The following RBMS3 variants were observed in gnomAD, a reference collection of about 807,000 sequenced individuals.
The protein encoded by RBMS3 is RNA-binding motif, single-stranded-interacting protein 3.
In RBMS3, 27 loss-of-function variants were observed where a neutral mutation model predicts 66.8. The ratio of observed to expected loss-of-function variants is 0.40; its 90% CI spans 0.30 to 0.56. The LOEUF (loss-of-function observed/expected upper bound fraction) is 0.56, where lower values mean the gene tolerates loss of function less well. Among genes scored for constraint, RBMS3 ranks in the 20% least tolerant of loss-of-function variants. The probability of loss-of-function intolerance (pLI) is 0.40; values close to 1 mark genes in which losing one functional copy is unlikely to be tolerated. For synonymous variants in RBMS3, 188 were observed against 183.0 expected (o/e 1.03, Z -0.22); for missense variants, 513 against 549.5 (o/e 0.93, Z 0.66).
chr3:29,339,556 A>C (rs1382952638), intron 1 of RBMS3, among the ~76,000 whole-genome samples: 2 of 151,086 alleles, frequency 1.3e-5, no homozygotes, highest in African/African-American at 4.9e-5. Context: ...CTGCAGAGTG[A>C]TTAGATCTCA....
At chr3:29,363,559 C>T (rs956599706) in intron 1 of RBMS3, among the ~76,000 whole-genome samples, 4 of 152,042 alleles carry the variant, frequency 2.6e-5, no homozygotes, top group Admixed American at 1.3e-4. Flanking sequence ...AAGGCCAAAG[C>T]GGGTGGATCA....
intron 6 of RBMS3, among the ~76,000 whole-genome samples, chr3:29,789,528 A>G (rs1301551576): frequency 6.6e-6 from 1 of 151,988 alleles, no homozygotes. Context: ...CCATTAAATC[A>G]CCATGTATAT....
chr3:29,695,697 C>G (rs769093609), intron 4 of RBMS3, among the ~76,000 whole-genome samples: 3 of 152,100 alleles, frequency 2.0e-5, no homozygotes, highest in Non-Finnish European at 4.4e-5. Flanking sequence ...ACTTTGCTAA[C>G]TTTTACTAAC....
At chr3:29,701,845 G>A (rs763541254) in intron 4 of RBMS3, among the ~76,000 whole-genome samples, 4 of 151,682 alleles carry the variant, frequency 2.6e-5, no homozygotes, top group African/African-American at 7.3e-5. Context: ...GCGCGCAGCC[G>A]GAGTCTCACC....
intron 11 of RBMS3, among the ~76,000 whole-genome samples, chr3:29,939,467 T>C (rs191034264): frequency 3.8e-4 from 58 of 152,080 alleles, no homozygotes; most frequent in Middle Eastern, 3.4e-3. Context: ...CCATTGGTAG[T>C]ACAGCTGTTG....
intron 7 of RBMS3, among the ~76,000 whole-genome samples, chr3:29,877,666 A>G (rs1299213062): frequency 6.6e-6 from 1 of 152,132 alleles, no homozygotes; most frequent in African/African-American, 2.4e-5. Context: ...AGCAGGTGAG[A>G]GCAGATAACT....
At chr3:29,440,633 C>G (rs2041583855) in intron 2 of RBMS3, among the ~76,000 whole-genome samples, 1 of 152,156 alleles carries the variant, frequency 6.6e-6, no homozygotes, top group South Asian at 2.1e-4. Flanking sequence ...GGGAAACACC[C>G]ACAATGAAAA....
intron 14 of RBMS3, among the ~76,000 whole-genome samples, chr3:29,997,111 A>C (rs1361722600): frequency 2.0e-5 from 3 of 151,856 alleles, no homozygotes; most frequent in African/African-American, 7.2e-5. Flanking sequence ...ACAGAAATAC[A>C]AACTACCATC....
intron 1 of RBMS3, among the ~76,000 whole-genome samples, chr3:29,416,487 C>T (rs990173836): frequency 6.6e-6 from 1 of 152,198 alleles, no homozygotes; most frequent in Non-Finnish European, 1.5e-5. Context: ...AAAAGAAATG[C>T]ATTTTAATCA....
At chr3:29,878,571 C>T (rs2059664587) in intron 7 of RBMS3, among the ~76,000 whole-genome samples, 1 of 152,106 alleles carries the variant, frequency 6.6e-6, no homozygotes. Flanking sequence ...ACTGACCCAG[C>T]AAAGCTAAAT....
chr3:29,701,772 C>T (rs57932869), intron 4 of RBMS3, among the ~76,000 whole-genome samples: 7,549 of 152,140 alleles, frequency 0.05, 633 homozygotes, highest in African/African-American at 0.17. Context: ...ACTGGCACTG[C>T]GCTGGAATTC....
chr3:29,849,100 T>A (rs2058862382), intron 6 of RBMS3, among the ~76,000 whole-genome samples: 1 of 152,058 alleles, frequency 6.6e-6, no homozygotes, highest in African/African-American at 2.4e-5. Flanking sequence ...TCTATTCCAT[T>A]TTTGAATATT....
chr3:29,331,414 G>T (rs1463007601), intron 1 of RBMS3, among the ~76,000 whole-genome samples: 1 of 152,070 alleles, frequency 6.6e-6, no homozygotes, highest in Admixed American at 6.6e-5. Flanking sequence ...TTCCCAGTAG[G>T]ACCAAACTAA....
intron 3 of RBMS3, among the ~76,000 whole-genome samples, chr3:29,562,014 T>A (rs1038602565): frequency 1.3e-5 from 2 of 152,176 alleles, no homozygotes; most frequent in African/African-American, 4.8e-5. Flanking sequence ...CACAGTGTAG[T>A]ATTAACTGAT....
intron 5 of RBMS3, among the ~76,000 whole-genome samples, chr3:29,741,851 A>G (rs888476713): frequency 1.3e-5 from 2 of 152,056 alleles, no homozygotes; most frequent in East Asian, 1.9e-4. Context: ...CTGTCCTCAC[A>G]TGGTCTTCCT....
At chr3:29,812,680 A>T (rs866772208) in intron 6 of RBMS3, among the ~76,000 whole-genome samples, 2 of 152,176 alleles carry the variant, frequency 1.3e-5, no homozygotes, top group South Asian at 2.1e-4. Context: ...TTGCATTTGA[A>T]GTATTAAGAT....
At chr3:29,856,806 T>C (rs959602020) in intron 6 of RBMS3, among the ~76,000 whole-genome samples, 21 of 152,218 alleles carry the variant, frequency 1.4e-4, no homozygotes, top group African/African-American at 5.1e-4. Flanking sequence ...AAGTTATTTA[T>C]TTATTTTTAT....
chr3:29,586,967 G>T, intron 3 of RBMS3, 147 bp from the exon 4 acceptor site: 1 of 561,146 alleles, frequency 1.8e-6, no homozygotes. Context: ...AAGCATTAAG[G>T]ACCACTAATC....
At chr3:29,671,222 G>C (rs1464384000) in intron 4 of RBMS3, among the ~76,000 whole-genome samples, 1 of 152,144 alleles carries the variant, frequency 6.6e-6, no homozygotes, top group Non-Finnish European at 1.5e-5. Flanking sequence ...CAAACAGAAA[G>C]GAATAGCATC....
Sources: allele counts gnomAD v4.1 joint callset (sites outside exome capture counted in the v4.1 genomes callset), GRCh38; gene constraint gnomAD v4.1.1; transcripts MANE v1.5; gene names NCBI Gene and HGNC (gene_info 2026-07-23, HGNC 2026-07-21).